Variants in ATAD2B observed in about 807,000 individuals in gnomAD.
The protein encoded by ATAD2B is ATPase family AAA domain-containing protein 2B.
ATAD2B carries 40 observed loss-of-function variants against 167.6 expected under a neutral mutation model. That is an observed-to-expected ratio of 0.24 (90% CI 0.19 to 0.31). The LOEUF (loss-of-function observed/expected upper bound fraction) is 0.31, where lower values mean the gene tolerates loss of function less well. Among genes scored for constraint, ATAD2B ranks in the 10% least tolerant of loss-of-function variants. ATAD2B has a pLI of 1.00. For synonymous variants in ATAD2B, 579 were observed against 596.5 expected, an observed-to-expected ratio of 0.97 and a Z score of 0.43; for missense variants, 1,242 against 1,757.2, an observed-to-expected ratio of 0.71 and a Z score of 5.24.
chr2:23,914,018 C>CA (rs1267948401), intron 1 of ATAD2B, among the ~76,000 whole-genome samples: 1 of 151,924 alleles, frequency 6.6e-6, no homozygotes, highest in African/African-American at 2.4e-5. Flanking sequence ...CCTGTAATCC[C>CA]AACACTTCAC....
intron 22 of ATAD2B, among the ~76,000 whole-genome samples, chr2:23,777,348 A>ATTATATCTATATC (rs1553380256): frequency 1.4e-5 from 2 of 146,334 alleles, no homozygotes; most frequent in South Asian, 2.2e-4. Context: ...CATAATACTG[A>ATTATATCTATATC]TATATCTATA....
At chr2:23,921,460 TCCAGAAGTTATGAGTTTA>T (rs1468139459) in intron 1 of ATAD2B, among the ~76,000 whole-genome samples, 2 of 152,148 alleles carry the variant, frequency 1.3e-5, no homozygotes, top group Admixed American at 6.6e-5. Flanking sequence ...CCAGCTGGAT[TCCAGAAGTTATGAGTTTA>T]CCTATAATTA....
chr2:23,790,730 A>G (rs1681555483), intron 19 of ATAD2B, among the ~76,000 whole-genome samples: 1 of 152,242 alleles, frequency 6.6e-6, no homozygotes, highest in Non-Finnish European at 1.5e-5. Context: ...GTTGTGATAC[A>G]TAGTATTCAC....
intron 1 of ATAD2B, among the ~76,000 whole-genome samples, chr2:23,920,560 A>C (rs902250018): frequency 6.6e-6 from 1 of 152,200 alleles, no homozygotes; most frequent in Non-Finnish European, 1.5e-5. Flanking sequence ...TGCTGTATTC[A>C]GGCCCTGGGA....
At chr2:23,779,296 C>A (rs1193329262) in intron 22 of ATAD2B, among the ~76,000 whole-genome samples, 1 of 151,446 alleles carries the variant, frequency 6.6e-6, no homozygotes, top group African/African-American at 2.4e-5. Context: ...CTGCCTCAGC[C>A]TCCTGAGTAG....
chr2:23,775,607 G>T (rs1444605074), intron 22 of ATAD2B, among the ~76,000 whole-genome samples: 1 of 152,120 alleles, frequency 6.6e-6, no homozygotes, highest in Non-Finnish European at 1.5e-5. Context: ...CAATAAAACT[G>T]ATTTAAAAAG....
chr2:23,831,321 G>A (rs1223806686), intron 14 of ATAD2B, among the ~76,000 whole-genome samples: 1 of 152,000 alleles, frequency 6.6e-6, no homozygotes, highest in African/African-American at 2.4e-5. Flanking sequence ...TAGAAGATGT[G>A]TACTATTTTA....
At chr2:23,850,231 A>G (rs80112066) in intron 13 of ATAD2B, among the ~76,000 whole-genome samples, 199 of 152,272 alleles carry the variant, frequency 1.3e-3, no homozygotes, top group African/African-American at 4.5e-3. Flanking sequence ...AATAATCAGG[A>G]AAAATAACCA....
At chr2:23,734,189 G>A in the ATAD2B span, among the ~76,000 whole-genome samples, 29 of 152,108 alleles carry the variant, frequency 1.9e-4, no homozygotes, top group South Asian at 8.3e-4. Flanking sequence ...ACAGAGTCTC[G>A]CTCGTCACCC....
chr2:23,819,037 C>T (rs1572895920), intron 17 of ATAD2B, among the ~76,000 whole-genome samples: 1 of 152,152 alleles, frequency 6.6e-6, no homozygotes, highest in African/African-American at 2.4e-5. Flanking sequence ...AAATGATCAT[C>T]TAAAGTTTAT....
downstream of ATAD2B, among the ~76,000 whole-genome samples, chr2:23,747,295 C>T (rs2551320): frequency 0.046 from 6,979 of 151,146 alleles, 164 homozygotes; most frequent in African/African-American, 0.058. Context: ...GATCAGCATA[C>T]GCCATATATA....
chr2:23,813,112 T>A (rs1685868190), intron 17 of ATAD2B, among the ~76,000 whole-genome samples: 1 of 151,950 alleles, frequency 6.6e-6, no homozygotes, highest in African/African-American at 2.4e-5. Flanking sequence ...TGTCCTACTT[T>A]ATACTGAAAC....
At chr2:23,791,374 C>T (rs1383729736) in intron 19 of ATAD2B, among the ~76,000 whole-genome samples, 1 of 152,136 alleles carries the variant, frequency 6.6e-6, no homozygotes, top group Non-Finnish European at 1.5e-5. Context: ...TTTACAATCC[C>T]ACCAGCAGTA....
chr2:23,872,955 G>GT, intron 8 of ATAD2B: 1 of 750,928 alleles, frequency 1.3e-6, no homozygotes, highest in Non-Finnish European at 2.5e-6. Flanking sequence ...CGCTGAAGCA[G>GT]TTCTCCAGGT....
At chr2:23,898,185 C>T (rs1024552807) in intron 1 of ATAD2B, among the ~76,000 whole-genome samples, 4 of 152,130 alleles carry the variant, frequency 2.6e-5, no homozygotes, top group South Asian at 2.1e-4. Context: ...TCAAGCAATG[C>T]GCCCACCTCA....
rs1680773606 is a variant in ATAD2B, at chr2:23,786,148, C to T, written c.2852G>A (p.Arg951Gln). The change falls in exon 21 of 28, where the codon CGA (arginine) becomes CAA (glutamine). Residue 951 changes from arginine to glutamine, a missense_variant. Transcript: ENST00000238789. ...PRQLSESEKS[R>Q]MEDQEENTLR... ...AGTATTTTCCTCCTGGTCCTCCATT[C>T]GACTTTTTTCTGATTCTGATAATTG... The T allele has an allele frequency of 2.5e-6, 4 of 1,603,242 alleles. No individual in the cohort carries two copies. The highest frequency in any genetic ancestry group is 3.4e-6 in the Non-Finnish European group (4 of 1,174,534).
chr2:23,865,913 A>C (rs1248092636), intron 10 of ATAD2B: 2 of 895,522 alleles, frequency 2.2e-6, no homozygotes, highest in Non-Finnish European at 2.7e-6. Flanking sequence ...GCTTTAAGAA[A>C]ATTTTACCCA....
intron 13 of ATAD2B, among the ~76,000 whole-genome samples, chr2:23,852,154 G>A (rs1377603421): frequency 6.6e-6 from 1 of 152,180 alleles, no homozygotes; most frequent in East Asian, 1.9e-4. Flanking sequence ...AATTTAACTT[G>A]TAATCAAAAA....
At chr2:23,868,021 T>C in intron 9 of ATAD2B, 75 bp from the exon 10 acceptor site, 1 of 929,876 alleles carries the variant, frequency 1.1e-6, no homozygotes, top group Non-Finnish European at 1.7e-6. Flanking sequence ...GTTTACATTC[T>C]TTGATGTGTC....
Sources: allele counts gnomAD v4.1 joint callset (sites outside exome capture counted in the v4.1 genomes callset), GRCh38; gene constraint gnomAD v4.1.1; transcripts MANE v1.5; gene names NCBI Gene and HGNC (gene_info 2026-07-23, HGNC 2026-07-21).